PIK3C2G: variants seen among roughly 807,000 people sequenced by gnomAD.
PIK3C2G encodes phosphatidylinositol-4-phosphate 3-kinase catalytic subunit type 2 gamma, also known as phosphatidylinositol 3-kinase C2 domain-containing subunit gamma.
A neutral mutation model predicts 181.1 loss-of-function variants in PIK3C2G; 168 were observed. The observed-to-expected ratio is 0.93, with a 90% CI of 0.82 to 1.05. The LOEUF is 1.05. Ranked by LOEUF, PIK3C2G falls within the 50% of genes least tolerant of loss-of-function variation. The pLI is 0.00. For synonymous variants in PIK3C2G, 573 were observed against 592.2 expected, an observed-to-expected ratio of 0.97 and a Z score of 0.47; for missense variants, 1,869 against 1,732.8, an observed-to-expected ratio of 1.08 and a Z score of -1.40.
chr12:18,584,846 C>A (rs1946688948), intron 29 of PIK3C2G, among the ~76,000 whole-genome samples: 1 of 152,086 alleles, frequency 6.6e-6, no homozygotes, highest in African/African-American at 2.4e-5. Context: ...GTGGACCTCT[C>A]AGCAGGAAAT....
chr12:18,244,654 C>A (rs1948020910), upstream of PIK3C2G, among the ~76,000 whole-genome samples: 1 of 120,920 alleles, frequency 8.3e-6, no homozygotes. Context: ...ATTATTTAAT[C>A]AGGTATGTCT....
At chr12:18,697,179 G>T in the PIK3C2G span, among the ~76,000 whole-genome samples, 1 of 151,992 alleles carries the variant, frequency 6.6e-6, no homozygotes, top group Non-Finnish European at 1.5e-5. Flanking sequence ...TGGGAGAATG[G>T]TTACTGCTTA....
chr12:18,329,648 G>A (rs1370106770), intron 8 of PIK3C2G, among the ~76,000 whole-genome samples: 1 of 151,876 alleles, frequency 6.6e-6, no homozygotes, highest in Non-Finnish European at 1.5e-5. Flanking sequence ...TTAAAAGACT[G>A]GACTTCAATT....
intron 17 of PIK3C2G, 30 bp from the exon 18 acceptor site, chr12:18,423,915 G>T (rs770547681): frequency 1.4e-6 from 2 of 1,404,012 alleles, no homozygotes; most frequent in South Asian, 2.4e-5. Flanking sequence ...TTGTTACTGA[G>T]AAGTAAAGTA....
At chr12:18,592,500 T>C (rs189960202) in intron 29 of PIK3C2G, among the ~76,000 whole-genome samples, 1 of 151,882 alleles carries the variant, frequency 6.6e-6, no homozygotes, top group African/African-American at 2.4e-5. Context: ...TTAGAGAAGA[T>C]AATTAGAGCA....
the PIK3C2G span, chr12:18,699,685 A>C: frequency 8.2e-7 from 1 of 1,212,628 alleles, no homozygotes; most frequent in Non-Finnish European, 1.2e-6. Flanking sequence ...AAATGTGTTG[A>C]AATTTTATGA....
At chr12:18,569,219 A>C (rs886520112) in intron 29 of PIK3C2G, among the ~76,000 whole-genome samples, 1 of 152,054 alleles carries the variant, frequency 6.6e-6, no homozygotes, top group African/African-American at 2.4e-5. Context: ...TTTCAAGCTG[A>C]CCTACCCTGA....
chr12:18,376,799 G>A (rs1370538054), intron 13 of PIK3C2G, among the ~76,000 whole-genome samples: 2 of 152,088 alleles, frequency 1.3e-5, no homozygotes, highest in Non-Finnish European at 2.9e-5. Flanking sequence ...GGCAGTGTGT[G>A]GCACATCTTC....
At chr12:18,549,434 G>A (rs186377504) in intron 26 of PIK3C2G, among the ~76,000 whole-genome samples, 3 of 152,120 alleles carry the variant, frequency 2.0e-5, no homozygotes, top group Admixed American at 2.0e-4. Context: ...CCTGTTCTAA[G>A]TGCTTTTCTT....
intron 16 of PIK3C2G, among the ~76,000 whole-genome samples, chr12:18,414,885 T>C (rs760319447): frequency 1.3e-5 from 2 of 152,200 alleles, no homozygotes; most frequent in African/African-American, 2.4e-5. Flanking sequence ...AATGTCAAGT[T>C]AGGCCTTAGT....
intron 32 of PIK3C2G, among the ~76,000 whole-genome samples, chr12:18,644,771 T>C (rs1950028769): frequency 6.6e-6 from 1 of 152,178 alleles, no homozygotes; most frequent in African/African-American, 2.4e-5. Flanking sequence ...ACTATGCTGT[T>C]ATTCCTACCT....
chr12:18,527,962 GA>G (rs529287335), intron 24 of PIK3C2G, among the ~76,000 whole-genome samples: 2 of 151,696 alleles, frequency 1.3e-5, no homozygotes, highest in Admixed American at 6.6e-5. Flanking sequence ...ACTGAACCAG[GA>G]AAAAAAATTG....
intron 29 of PIK3C2G, among the ~76,000 whole-genome samples, chr12:18,576,779 C>T (rs1295842242): frequency 4.6e-5 from 7 of 152,098 alleles, no homozygotes; most frequent in African/African-American, 9.7e-5. Flanking sequence ...TAAAGAAGCA[C>T]ATAGAATGTT....
chr12:18,352,764 C>G (rs1376358949), intron 11 of PIK3C2G, among the ~76,000 whole-genome samples: 1 of 152,172 alleles, frequency 6.6e-6, no homozygotes, highest in Non-Finnish European at 1.5e-5. Context: ...TAGTCTTCTT[C>G]TGGAGTTCAG....
At chr12:18,402,828 T>A (rs559508021) in intron 16 of PIK3C2G, among the ~76,000 whole-genome samples, 1 of 152,274 alleles carries the variant, frequency 6.6e-6, no homozygotes, top group East Asian at 1.9e-4. Context: ...GCTCATTCAA[T>A]GTTTTATGTG....
At chr12:18,291,544 C>T (rs1200881778) in intron 4 of PIK3C2G, among the ~76,000 whole-genome samples, 1 of 151,940 alleles carries the variant, frequency 6.6e-6, no homozygotes, top group Non-Finnish European at 1.5e-5. Flanking sequence ...TCAAATTCGC[C>T]TGAGGATTTT....
the PIK3C2G span, among the ~76,000 whole-genome samples, chr12:18,707,264 T>C: frequency 8.1e-4 from 123 of 152,326 alleles, no homozygotes; most frequent in Middle Eastern, 3.4e-3. Flanking sequence ...ACCTACACAA[T>C]GATCTTCTGA....
At chr12:18,526,542 G>A (rs532276740) in intron 24 of PIK3C2G, among the ~76,000 whole-genome samples, 3 of 152,294 alleles carry the variant, frequency 2.0e-5, no homozygotes, top group Admixed American at 2.0e-4. Context: ...CCAAGAACCT[G>A]AGAGGGTACG....
At position 18,285,866 on chromosome 12, in the gene PIK3C2G, A is replaced by C. The variant is rs575030058; in HGVS notation, c.679-981A>C. ...AATTTCCATAAATATACTAAATGTA[A>C]ATAGAATAAACATTCCAAACAAAAG... On this transcript the variant is annotated intron_variant, in intron 2 of 32. Coordinates refer to ENST00000538779, the MANE Select transcript of PIK3C2G (RefSeq NM_001288772.2). Among the ~76,000 whole-genome samples, 62 of 152,136 alleles carry C rather than the reference A, an allele frequency of 4.1e-4. No individual in the cohort carries two copies. The East Asian group carries it at 0.012, about 29-fold the overall frequency.
Sources: allele counts gnomAD v4.1 joint callset (sites outside exome capture counted in the v4.1 genomes callset), GRCh38; gene constraint gnomAD v4.1.1; transcripts MANE v1.5; gene names NCBI Gene and HGNC (gene_info 2026-07-23, HGNC 2026-07-21).